Variants in CBARP observed in about 807,000 individuals in gnomAD.
CBARP encodes the protein voltage-dependent calcium channel beta subunit-associated regulatory protein.
Under a neutral mutation model 36.3 loss-of-function variants are expected in CBARP, and 24 were observed. That is an observed-to-expected ratio of 0.66 (90% CI 0.48 to 0.93). CBARP has a LOEUF of 0.93. CBARP is among the 40% of genes least tolerant of loss of function. The pLI is 0.00. For missense variants in CBARP, 1,146 were observed against 980.4 expected (o/e 1.17, Z -2.26); for synonymous variants, 586 against 453.2 (o/e 1.29, Z -3.72).
chr19:1,237,669 T>G (rs1220223757), intron 1 of CBARP, 87 bp downstream of exon 1: 1 of 151,226 alleles, frequency 6.6e-6, no homozygotes, highest in Non-Finnish European at 1.5e-5. Flanking sequence ...CTCCGCGCCC[T>G]CCCTCCGGCC....
Position 1,236,017 on chromosome 19 carries a change from G to A in CBARP, c.84C>T (p.Asp28=), listed in dbSNP as rs146688767. The A allele has an allele frequency of 8.1e-5, 125 of 1,544,720 alleles. No homozygotes were observed. Among genetic ancestry groups the A allele is most frequent in the Non-Finnish European group, 1.1e-4 (121 of 1,145,098 alleles). ...TATVALTTSW[D]NATGRPTAEP... ...CCACCGTGGGGCGTCCAGTGGCATT[G>A]TCCCACGACGTCGTCAGGGCTACTG... Residue 28 remains aspartate, a synonymous_variant, in exon 2 of 10, where the codon GAC becomes GAT. Transcript: ENST00000650044.
intron 9 of CBARP, 145 bp from the exon 10 acceptor site, chr19:1,230,287 G>A (rs976051002): frequency 3.0e-6 from 3 of 991,278 alleles, no homozygotes; most frequent in Non-Finnish European, 3.6e-6. Flanking sequence ...TTTAAAATGA[G>A]CCAGTGTGTT....
Position 1,234,565 on chromosome 19 carries a change from G to C in CBARP, c.627+6C>G, listed in dbSNP as rs1166973101. 6.3e-7 allele frequency: 1 copy of C among 1,599,444 alleles called. No individual in the cohort carries two copies. The highest frequency in any genetic ancestry group is 8.5e-7 in the Non-Finnish European group (1 of 1,174,306). ...GAGGAACCGGGGCTGCTGCCCATAG[G>C]CTCACCTGGAAGATGGCCAGAGTGG... On this transcript the variant is annotated splice_donor_region_variant and intron_variant, in intron 6 of 9. Coordinates refer to ENST00000650044, the MANE Select transcript of CBARP (RefSeq NM_001393918.1).
In CBARP at chr19:1,234,658, G is replaced by A. The variant is rs2080939263; in HGVS notation, c.540C>T (p.Thr180=). 1.2e-6 allele frequency: 2 copies of A among 1,612,402 alleles called. No individual in the cohort carries two copies. The highest frequency in any genetic ancestry group is 1.7e-6 in the Non-Finnish European group (2 of 1,179,548). The change falls in exon 6 of 10, where the codon ACC becomes ACT. Residue 180 remains threonine, a synonymous_variant. Coordinates refer to ENST00000650044, the MANE Select transcript of CBARP (RefSeq NM_001393918.1). ...CCTCGCCTGAGTCACACTCGTGGAT[G>A]GTGACAATCTTGAGGGGCGGCAGGT... ...HLHLPPLKIV[T]IHECDSGEAS...
intron 8 of CBARP, among the ~76,000 whole-genome samples, chr19:1,232,331 C>A (rs2080905022): frequency 6.6e-6 from 1 of 152,112 alleles, no homozygotes; most frequent in Admixed American, 6.5e-5. Flanking sequence ...AGAACTCACC[C>A]CACCCCCGCT....
Position 1,234,317 on chromosome 19 carries a change from G to T in CBARP, c.642C>A (p.Ala214=). Residue 214 remains alanine, a synonymous_variant, in exon 7 of 10, where the codon GCC becomes GCA. Transcript: ENST00000650044. ...TLAIFQPPGK[A]LTGRSVGPSS... is the part of the protein sequence containing the mutation. Reference sequence around the variant, plus strand: ...TGGGGCCCACAGAGCGGCCGGTGAGGGCCTTCCCCGGGGGCTGTGGGACAG... The same window carrying T: ...TGGGGCCCACAGAGCGGCCGGTGAGTGCCTTCCCCGGGGGCTGTGGGACAG... 6.9e-7 allele frequency: 1 copy of T among 1,444,634 alleles called. No homozygotes were observed. The highest frequency in any genetic ancestry group is 9.1e-7 in the Non-Finnish European group (1 of 1,096,320). The allele number at this position is 1,444,634 out of a possible 1,614,324, so 89.5% of individuals were successfully genotyped here. A position where few individuals can be genotyped will look rare whatever the true frequency, so the allele number is the denominator to read the frequency against.
intron 7 of CBARP, 25 bp from the exon 8 acceptor site, chr19:1,233,661 C>T: frequency 1.3e-6 from 2 of 1,582,930 alleles, no homozygotes; most frequent in Non-Finnish European, 1.7e-6. Context: ...AGATGGCGCT[C>T]AGGCTAAGAC....
In CBARP at chr19:1,231,035, G is replaced by C. The variant is rs778821034; in HGVS notation, c.1154+66C>G. 8.4e-6 allele frequency: 13 copies of C among 1,548,498 alleles called. No individual in the cohort carries two copies. In the South Asian group the frequency reaches 1.3e-4, roughly 16 times the overall value. ...TGGAGAGCGCTCCCTGGGCCGCCTA[G>C]GGGGGGGCGAAGGGGGGCAAGGGCC... On this transcript the variant is annotated intron_variant, in intron 9 of 9. Transcript: ENST00000650044.
At position 1,229,722 on chromosome 19, in the gene CBARP, C is replaced by T; in HGVS notation, c.1575G>A (p.Arg525=). The T allele has an allele frequency of 1.0e-6, 1 of 984,252 alleles. No individual in the cohort carries two copies. The highest frequency in any genetic ancestry group is 4.2e-5 in the South Asian group (1 of 23,754). 61.0% of individuals were successfully genotyped at this position (984,252 alleles called of 1,614,324 possible). ...DDTEPPAAPA[R]PRSPRAWPRR... ...GGGGCCAGGCGCGCGGGCTGCGGGG[C>T]CGGGCGGGCGCGGCAGGTGGCTCGG... Residue 525 remains arginine (R), a synonymous_variant, in exon 10 of 10, where the codon CGG becomes CGA. Transcript: ENST00000650044. The surrounding 1 kb of genome is among the most constrained non-coding windows in gnomAD (Gnocchi z 5.1).
chr19:1,229,658 C>A lies in CBARP; in HGVS notation c.1639G>T (p.Asp547Tyr). ...CGCAGGAACTCGTGGAACAGCGCGT[C>A]CGTCTTCTCGTCGATGCTGTAGTCG... ...RRDYSIDEKT[D>Y]ALFHEFLRHD... is the part of the protein sequence containing the mutation. Residue 547 changes from aspartate (D) to tyrosine (Y), a missense_variant, in exon 10 of 10, where the codon GAC becomes TAC. By Grantham distance (160) the Asp-to-Tyr change is radical (BLOSUM62 -3). Coordinates refer to ENST00000650044, the MANE Select transcript of CBARP (RefSeq NM_001393918.1). The surrounding 1 kb of genome is among the most constrained non-coding windows in gnomAD (Gnocchi z 5.1). 5 of 1,160,790 alleles carry A rather than the reference C, an allele frequency of 4.3e-6. No individual in the cohort carries two copies. The South Asian group carries it at 4.6e-5, about 11-fold the overall frequency. The allele number at this position is 1,160,790 out of a possible 1,614,324, so 71.9% of individuals were successfully genotyped here.
chr19:1,235,435 G>T, intron 4 of CBARP, 66 bp downstream of exon 4: 1 of 1,469,892 alleles, frequency 6.8e-7, no homozygotes, highest in Non-Finnish European at 9.1e-7. Context: ...GCAGCCCGAG[G>T]GGGCGGCGGG....
Position 1,235,222 on chromosome 19 carries a change from G to A in CBARP, c.311-77C>T, listed in dbSNP as rs527411387. The A allele has an allele frequency of 5.9e-4, 801 of 1,365,036 alleles. 3 individuals are homozygous for A. The highest frequency in any genetic ancestry group is 2.9e-3 in the South Asian group (170 of 57,868). The allele number at this position is 1,365,036 out of a possible 1,614,324, so 84.6% of individuals were successfully genotyped here. On this transcript the variant is annotated intron_variant, in intron 4 of 9. Coordinates refer to ENST00000650044, the MANE Select transcript of CBARP (RefSeq NM_001393918.1). The stretch of plus-strand genomic sequence containing the variant: ...CTGGTCCCGGGAGGGCTGCTCCTCC[G>A]GGCGGCCACGGCAGGGAGGGCTGGG...
rs893399620 is a variant in CBARP, at chr19:1,234,757, G to A, written c.456-15C>T. On this transcript the variant is annotated splice_polypyrimidine_tract_variant and intron_variant, in intron 5 of 9. Coordinates refer to ENST00000650044, the MANE Select transcript of CBARP (RefSeq NM_001393918.1). ...TCAGTGTGTACCTGCGACAGCATCT[G>A]GCCATCAGAGCCCGCCCACCTCCCA... 4 of 1,609,440 alleles carry A rather than the reference G, an allele frequency of 2.5e-6. No individual in the cohort carries two copies. Among genetic ancestry groups the A allele is most frequent in the Admixed American group, 3.4e-5 (2 of 59,554 alleles).
At position 1,230,998 on chromosome 19, in the gene CBARP, G is replaced by A. The variant is rs933506268; in HGVS notation, c.1154+103C>T. On this transcript the variant is annotated intron_variant, in intron 9 of 9. Coordinates refer to ENST00000650044, the MANE Select transcript of CBARP (RefSeq NM_001393918.1). ...TGCCGCTGGAGGCAGGCGAGCGCGT[G>A]TCCACGGGGCCTGGAGAGCGCTCCC... 3 of 1,547,706 alleles carry A rather than the reference G, an allele frequency of 1.9e-6. No individual in the cohort carries two copies. In the African/African-American group the frequency reaches 4.1e-5, roughly 21 times the overall value.
chr19:1,235,519 C>G lies in CBARP; in HGVS notation c.292G>C (p.Gly98Arg), dbSNP rs118033234. Reference protein sequence around the residue: ...EKTTTTYLDNGTHPAQDPDFR... With the variant: ...EKTTTTYLDNRTHPAQDPDFR... ...ACCTCACCTTGGGCTGGGTGGGTGCCGTTGTCCAGGTAGGTGGTGGTGGTC... is the reference window on the plus strand; with the variant it reads ...ACCTCACCTTGGGCTGGGTGGGTGCGGTTGTCCAGGTAGGTGGTGGTGGTC... The change falls in exon 4 of 10, where the codon GGC becomes CGC. Residue 98 changes from glycine to arginine, a missense_variant. By Grantham distance (125) the Gly-to-Arg change is moderately radical. Coordinates refer to ENST00000650044, the MANE Select transcript of CBARP (RefSeq NM_001393918.1). 7.9e-4 allele frequency: 1,263 copies of G among 1,602,270 alleles called. 8 individuals carry two copies. The African/African-American group carries it at 0.013, about 16-fold the overall frequency.
chr19:1,230,073 C>G lies in CBARP; in HGVS notation c.1224G>C (p.Ala408=). ...DSPPERGAGS[A]GPEQQQPPLE... ...GTGGCGGCTGCTGCTGCTCAGGCCC[C>G]GCGCTGCCCGCGCCGCGCTCCGGGG... is the stretch of plus-strand genomic sequence containing the variant. Residue 408 remains alanine, a synonymous_variant, in exon 10 of 10, where the codon GCG becomes GCC. Transcript: ENST00000650044. 8.0e-6 allele frequency: 9 copies of G among 1,129,788 alleles called. No individual in the cohort carries two copies. Among genetic ancestry groups the G allele is most frequent in the Non-Finnish European group, 9.9e-6 (9 of 912,944 alleles). The allele number at this position is 1,129,788 out of a possible 1,614,324, so 70.0% of individuals were successfully genotyped here.
chr19:1,229,503 C>G lies in CBARP; in HGVS notation c.1794G>C (p.Leu598=). 1 of 979,056 alleles carries G rather than the reference C, an allele frequency of 1.0e-6. No homozygotes were observed. The highest frequency in any genetic ancestry group is 4.7e-5 in the South Asian group (1 of 21,234). 60.6% of individuals were successfully genotyped at this position (979,056 alleles called of 1,614,324 possible). ...SDPGARAAPA[L]AGTPAPPAGA... ...CGGCAGGCGGTGCCGGGGTTCCGGC[C>G]AGGGCCGGGGCCGCGCGGGCGCCGG... is the stretch of plus-strand genomic sequence containing the variant. The change falls in exon 10 of 10, where the codon CTG becomes CTC. Residue 598 remains leucine, a synonymous_variant. Coordinates refer to ENST00000650044, the MANE Select transcript of CBARP (RefSeq NM_001393918.1). The surrounding 1 kb of genome is among the most constrained non-coding windows in gnomAD (Gnocchi z 5.1).
rs548915062 is a variant in CBARP at position 1,235,436 on chromosome 19, G to A, written c.310+65C>T. The A allele has an allele frequency of 2.7e-6, 4 of 1,474,364 alleles. No homozygotes were observed. The East Asian group carries it at 7.4e-5, about 27-fold the overall frequency. 91.3% of individuals were successfully genotyped at this position (1,474,364 alleles called of 1,614,324 possible). ...ACACAGACGGTCAGGCAGCCCGAGG[G>A]GGCGGCGGGTGGCCGAGGGGCGGAT... is the stretch of plus-strand genomic sequence containing the variant. On this transcript the variant is annotated intron_variant, in intron 4 of 9. Transcript: ENST00000650044.
chr19:1,236,518 G>A (rs377414034), intron 1 of CBARP, among the ~76,000 whole-genome samples: 3 of 152,178 alleles, frequency 2.0e-5, no homozygotes, highest in African/African-American at 7.2e-5. Context: ...CAGACGCCCT[G>A]TCCGCCCCAT....
Sources: gnomAD v4.1 joint callset for allele counts (sites outside exome capture counted in the v4.1 genomes callset) on GRCh38, gnomAD v4.1.1 for gene constraint, Gnocchi (gnomAD v3.1) non-coding constraint, MANE v1.5 for transcripts, NCBI Gene and HGNC (gene_info 2026-07-23, HGNC 2026-07-21) for gene names.